Variants in SORBS2 observed in about 807,000 individuals in gnomAD.
SORBS2 encodes sorbin and SH3 domain containing 2, also known as sorbin and SH3 domain-containing protein 2.
In SORBS2, 46 loss-of-function variants were observed where a neutral mutation model predicts 97.7. That is an observed-to-expected ratio of 0.47 (90% CI 0.37 to 0.60). SORBS2 has a LOEUF of 0.60. SORBS2 is among the 20% of genes least tolerant of loss of function. The probability of loss-of-function intolerance (pLI) is 0.00; values close to 1 mark genes in which losing one functional copy is unlikely to be tolerated. For synonymous variants in SORBS2, 476 were observed against 473.4 expected (o/e 1.01, Z -0.07); for missense variants, 1,316 against 1,282.3 (o/e 1.03, Z -0.40).
intron 4 of SORBS2, among the ~76,000 whole-genome samples, chr4:185,638,418 A>G (rs549313648): frequency 1.3e-5 from 2 of 151,732 alleles, no homozygotes; most frequent in Non-Finnish European, 2.9e-5. Context: ...GTTGTGGGCA[A>G]CTCTTGCTTG....
At chr4:185,846,333 A>T (rs2099214519) in intron 1 of SORBS2, among the ~76,000 whole-genome samples, 1 of 152,342 alleles carries the variant, frequency 6.6e-6, no homozygotes, top group Non-Finnish European at 1.5e-5. Flanking sequence ...CTAATAATAC[A>T]TTCTGGAAAA....
chr4:185,877,352 C>T (rs1299290817), intron 1 of SORBS2, among the ~76,000 whole-genome samples: 4 of 152,062 alleles, frequency 2.6e-5, no homozygotes, highest in African/African-American at 9.7e-5. Context: ...AATAAGGTTG[C>T]TTTTCTCAAG....
chr4:185,681,810 T>C (rs1173002408), intron 2 of SORBS2, among the ~76,000 whole-genome samples: 1 of 152,200 alleles, frequency 6.6e-6, no homozygotes, highest in Non-Finnish European at 1.5e-5. Context: ...TTTCCACTGT[T>C]ATCATTCTAA....
intron 2 of SORBS2, among the ~76,000 whole-genome samples, chr4:185,704,317 T>TTTCA (rs1194698475): frequency 6.6e-6 from 1 of 152,144 alleles, no homozygotes; most frequent in Non-Finnish European, 1.5e-5. Context: ...TTTTTTACAA[T>TTTCA]TTTATTTATT....
At chr4:185,756,194 T>C (rs1427099837) in intron 2 of SORBS2, among the ~76,000 whole-genome samples, 2 of 152,226 alleles carry the variant, frequency 1.3e-5, no homozygotes, top group Admixed American at 1.3e-4. Flanking sequence ...AGCTCTTCTC[T>C]ATGCAGTTCA....
chr4:185,736,027 C>A (rs1408119354), intron 2 of SORBS2, among the ~76,000 whole-genome samples: 8 of 152,196 alleles, frequency 5.3e-5, no homozygotes, highest in Admixed American at 4.6e-4. Context: ...GATGGAGAAG[C>A]AGAGCCGTGG....
chr4:185,670,035 A>G (rs1179940317), intron 4 of SORBS2, among the ~76,000 whole-genome samples: 2 of 152,126 alleles, frequency 1.3e-5, no homozygotes. Flanking sequence ...CCTGGACAAC[A>G]TGGTGAAACC....
chr4:185,948,241 G>A (rs973801254), intron 1 of SORBS2, among the ~76,000 whole-genome samples: 1 of 152,082 alleles, frequency 6.6e-6, no homozygotes, highest in Non-Finnish European at 1.5e-5. Context: ...TTTAAGCTTG[G>A]TTTACCTTGT....
At chr4:185,783,776 CA>C (rs2099042772) in intron 1 of SORBS2, among the ~76,000 whole-genome samples, 1 of 152,164 alleles carries the variant, frequency 6.6e-6, no homozygotes, top group Admixed American at 6.5e-5. Flanking sequence ...AGTAAATGCT[CA>C]CATTTTGACC....
At chr4:185,899,385 A>T (rs572938952) in intron 1 of SORBS2, among the ~76,000 whole-genome samples, 7 of 152,260 alleles carry the variant, frequency 4.6e-5, no homozygotes, top group African/African-American at 1.7e-4. Context: ...TAGAGTGTAG[A>T]TTCTGTCGTT....
intron 1 of SORBS2, among the ~76,000 whole-genome samples, chr4:185,794,936 A>T (rs1002152216): frequency 1.3e-5 from 2 of 152,200 alleles, no homozygotes; most frequent in Non-Finnish European, 2.9e-5. Flanking sequence ...TCCCAGCAGC[A>T]ATACCCCACA....
rs1561250530 is a variant in SORBS2 at position 185,868,143 on chromosome 4, T to TTTTCTTTC, written c.-338+88052_-338+88053insGAAAGAAA. Among the ~76,000 whole-genome samples, 152 of 87,906 alleles carry TTTTCTTTC rather than the reference T, an allele frequency of 1.7e-3. 12 individuals carry two copies. The highest frequency in any genetic ancestry group is 5.1e-3 in the East Asian group (14 of 2,726). The allele number at this position is 87,906 out of a possible 152,430, so 57.7% of individuals were successfully genotyped here. On this transcript the variant is annotated intron_variant, in intron 1 of 20. Coordinates refer to the SORBS2 transcript ENST00000284776. ...AGCTTCTACTTTCCTTTCTCTTTTC[T>TTTTCTTTC]TTTCTTTTTTTCTTTCTTTTTTTTT... is the stretch of plus-strand genomic sequence containing the variant.
chr4:185,888,468 C>T (rs2099240810), intron 1 of SORBS2, among the ~76,000 whole-genome samples: 1 of 152,156 alleles, frequency 6.6e-6, no homozygotes, highest in Admixed American at 6.5e-5. Flanking sequence ...CTAGGGCCTC[C>T]AGAGGGAGTG....
intron 1 of SORBS2, among the ~76,000 whole-genome samples, chr4:185,938,389 TACACACAC>T (rs34337257): frequency 0.055 from 7,520 of 136,466 alleles, 321 homozygotes; most frequent in African/African-American, 0.12. Context: ...TGTAGACACA[TACACACAC>T]ACACACACAC....
At chr4:185,690,322 T>G (rs1472139049) in intron 2 of SORBS2, among the ~76,000 whole-genome samples, 1 of 152,212 alleles carries the variant, frequency 6.6e-6, no homozygotes, top group Non-Finnish European at 1.5e-5. Context: ...GGAGTTAGTT[T>G]TAACATGTGA....
At chr4:185,678,600 A>G (rs2097829197) in intron 3 of SORBS2, 53 bp from the exon 7 acceptor site, 1 of 1,460,414 alleles carries the variant, frequency 6.8e-7, no homozygotes, top group Non-Finnish European at 9.1e-7. Flanking sequence ...TCACTTAAAC[A>G]TTTTTTATAA....
At chr4:185,887,364 G>A (rs1200166081) in intron 1 of SORBS2, among the ~76,000 whole-genome samples, 4 of 152,136 alleles carry the variant, frequency 2.6e-5, no homozygotes, top group South Asian at 2.1e-4. Context: ...ATACAGTTCC[G>A]AAACTGTTAT....
chr4:185,654,781 A>G (rs2097369233), intron 1 of SORBS2, among the ~76,000 whole-genome samples: 1 of 147,596 alleles, frequency 6.8e-6, no homozygotes, highest in Non-Finnish European at 1.5e-5. Flanking sequence ...TTTGCATGAA[A>G]AATAGCTACT....
intron 1 of SORBS2, among the ~76,000 whole-genome samples, chr4:185,903,191 G>A (rs1172898430): frequency 6.6e-6 from 1 of 152,092 alleles, no homozygotes; most frequent in Non-Finnish European, 1.5e-5. Context: ...TAGTGATTTT[G>A]GGGGGGCATG....
Sources: gnomAD v4.1 joint callset for allele counts (sites outside exome capture counted in the v4.1 genomes callset) on GRCh38, gnomAD v4.1.1 for gene constraint, MANE v1.5 for transcripts, NCBI Gene and HGNC (gene_info 2026-07-23, HGNC 2026-07-21) for gene names.